Variants in TARDBP observed in about 807,000 individuals in gnomAD.
TARDBP encodes TAR DNA binding protein.
TARDBP carries 4 observed loss-of-function variants against 38.3 expected under a neutral mutation model. The observed-to-expected ratio is 0.10, with a 90% confidence interval of 0.05 to 0.24. The LOEUF is 0.24. Among genes scored for constraint, TARDBP ranks in the 10% least tolerant of loss-of-function variants. TARDBP has a pLI of 1.00. For missense variants in TARDBP, 202 were observed against 521.9 expected (o/e 0.39, Z 5.97); for synonymous variants, 184 against 183.8 (o/e 1.00, Z -0.01).
In TARDBP at chr1:11,013,692, C is replaced by T. The variant is rs757862204; in HGVS notation, c.-12-24C>T. On this transcript the variant is annotated intron_variant, in intron 1 of 5. Coordinates refer to ENST00000240185, the MANE Select transcript of TARDBP (RefSeq NM_007375.4). Reference sequence around the variant, plus strand: ...CAGTTATTCTGACATGAATGTTGTTCATTCATATCTCTTTTCTCTTTAGGA... The same window carrying T: ...CAGTTATTCTGACATGAATGTTGTTTATTCATATCTCTTTTCTCTTTAGGA... The T allele has an allele frequency of 5.9e-6, 9 of 1,533,622 alleles. 1 individual carries two copies. Among genetic ancestry groups the T allele is most frequent in the South Asian group, 3.5e-5 (3 of 86,916 alleles).
At position 11,018,893 on chromosome 1, in the gene TARDBP, G is replaced by T; in HGVS notation, c.543+20G>T. On this transcript the variant is annotated intron_variant, in intron 4 of 5. Coordinates refer to ENST00000240185, the MANE Select transcript of TARDBP (RefSeq NM_007375.4). ...TCTAAGGTACTTGCGTCTGTGCTTT[G>T]GGAATTTTTGCCAACAAACTTCCTT... 7.4e-6 allele frequency: 12 copies of T among 1,613,870 alleles called. No homozygotes were observed. Among genetic ancestry groups the T allele is most frequent in the Non-Finnish European group, 1.0e-5 (12 of 1,180,002 alleles).
Position 11,023,149 on chromosome 1 carries a change from C to T in TARDBP, c.*495C>T, listed in dbSNP as rs933092068. On this transcript the variant is annotated 3_prime_UTR_variant, in exon 6 of 6. Transcript: ENST00000240185. ...TTGTTTTTTAACACTTGTCTCCCCTCATACACAAAAGTACAATATGAAGCC... is the reference window on the plus strand; with the variant it reads ...TTGTTTTTTAACACTTGTCTCCCCTTATACACAAAAGTACAATATGAAGCC... 26 of 1,546,600 alleles carry T rather than the reference C, an allele frequency of 1.7e-5. No individual in the cohort carries two copies. The highest frequency in any genetic ancestry group is 2.3e-5 in the Non-Finnish European group (26 of 1,144,202).
At chr1:11,030,122 A>G (rs907791760), downstream of TARDBP, 14 of 1,333,446 alleles carry the variant, frequency 1.0e-5, no homozygotes, top group Non-Finnish European at 8.6e-6. Context: ...ACTGTCTCCT[A>G]CCCAGTCCTC....
chr1:11,013,682 G>GA (rs760679678), intron 1 of TARDBP, 34 bp from the exon 2 acceptor site: 94 of 1,499,614 alleles, frequency 6.3e-5, no homozygotes, highest in Middle Eastern at 1.7e-4. Flanking sequence ...ATTCTGACAT[G>GA]AATGTTGTTC....
intron 1 of TARDBP, among the ~76,000 whole-genome samples, chr1:11,013,271 C>T (rs899277631): frequency 6.6e-6 from 1 of 152,224 alleles, no homozygotes; most frequent in Non-Finnish European, 1.5e-5. Flanking sequence ...TCTTCAGGTT[C>T]AGCTGATGGA....
chr1:11,030,348 C>A, downstream of TARDBP: 1 of 822,876 alleles, frequency 1.2e-6, no homozygotes, highest in Non-Finnish European at 2.0e-6. Flanking sequence ...TCTTGAGCAT[C>A]AGTGGGACAT....
At chr1:11,029,231 A>AC (rs1643798649), downstream of TARDBP, among the ~76,000 whole-genome samples, 1 of 150,818 alleles carries the variant, frequency 6.6e-6, no homozygotes, top group African/African-American at 2.4e-5. Flanking sequence ...CGATCTCCTG[A>AC]CCTCGTGATC....
At chr1:11,019,921 A>G (rs12723594) in intron 4 of TARDBP, among the ~76,000 whole-genome samples, 18 of 140,094 alleles carry the variant, frequency 1.3e-4, no homozygotes, top group African/African-American at 4.6e-4. Context: ...CTGGAGTGCA[A>G]TGGTGCAATC....
Position 11,016,981 on chromosome 1 carries a change from A to G in TARDBP, c.376A>G (p.Thr126Ala). 6.2e-7 allele frequency: 1 copy of G among 1,614,184 alleles called. No homozygotes were observed. Among genetic ancestry groups the G allele is most frequent in the Non-Finnish European group, 8.5e-7 (1 of 1,180,034 alleles). The change falls in exon 3 of 6, where the codon ACC (threonine) becomes GCC (alanine). Residue 126 changes from threonine (T) to alanine (A), a missense_variant. Physicochemically the swap from Thr to Ala is moderately conservative, Grantham distance 58. Coordinates refer to ENST00000240185, the MANE Select transcript of TARDBP (RefSeq NM_007375.4). ...ACAGGACCTGAAAGAGTATTTTAGTACCTTTGGAGAAGTTCTTATGGTGCA... is the reference window on the plus strand; with the variant it reads ...ACAGGACCTGAAAGAGTATTTTAGTGCCTTTGGAGAAGTTCTTATGGTGCA... Reference protein sequence around the residue: ...TEQDLKEYFSTFGEVLMVQVK... With the variant: ...TEQDLKEYFSAFGEVLMVQVK...
At chr1:11,018,704 T>C (rs774032423) in intron 3 of TARDBP, 29 bp from the exon 4 acceptor site, 3 of 1,614,114 alleles carry the variant, frequency 1.9e-6, no homozygotes, top group South Asian at 2.2e-5. Flanking sequence ...ATGTGCACTT[T>C]TAGAGTAAAC....
At chr1:11,018,487 C>T in intron 3 of TARDBP, 1 of 527,312 alleles carries the variant, frequency 1.9e-6, no homozygotes, top group African/African-American at 1.9e-5. Context: ...CCGCGCCTGG[C>T]CCCATCTCTC....
downstream of TARDBP, chr1:11,029,757 G>C (rs1191867141): frequency 6.8e-6 from 1 of 147,652 alleles, no homozygotes; most frequent in Non-Finnish European, 1.4e-5. Flanking sequence ...TTCTGCCTCA[G>C]CCGCTCGAGT....
intron 3 of TARDBP, chr1:11,018,525 G>A: frequency 1.5e-6 from 1 of 661,324 alleles, no homozygotes; most frequent in Non-Finnish European, 2.5e-6. Context: ...AAACATTTCT[G>A]TTGTATAAGT....
At chr1:11,021,696 AG>A (rs1183238374) in intron 5 of TARDBP, among the ~76,000 whole-genome samples, 1 of 152,164 alleles carries the variant, frequency 6.6e-6, no homozygotes, top group Non-Finnish European at 1.5e-5. Context: ...CTCAGCCTCC[AG>A]GGGGAGGATC....
chr1:11,019,094 C>T, intron 4 of TARDBP: 1 of 607,040 alleles, frequency 1.6e-6, no homozygotes, highest in Middle Eastern at 4.5e-4. Context: ...TCATTTTGTT[C>T]TTCCTTTTCG....
downstream of TARDBP, chr1:11,030,274 A>T: frequency 6.5e-7 from 1 of 1,537,792 alleles, no homozygotes; most frequent in Non-Finnish European, 9.0e-7. Context: ...GAAAAGCAAA[A>T]ATGTTTAACT....
At chr1:11,027,679 T>C, downstream of TARDBP, 1 of 1,543,368 alleles carries the variant, frequency 6.5e-7, no homozygotes, top group Non-Finnish European at 8.7e-7. Flanking sequence ...GTAGAGAGCC[T>C]TTGTAAAAAT....
rs55825417 is a variant in TARDBP at position 11,014,051 on chromosome 1, A to G, written c.238+86A>G. 2,666 of 1,340,906 alleles carry G rather than the reference A, an allele frequency of 2.0e-3. 44 individuals are homozygous for G. The African/African-American group carries it at 0.034, about 17-fold the overall frequency. The allele number at this position is 1,340,906 out of a possible 1,614,324, so 83.1% of individuals were successfully genotyped here. A position where few individuals can be genotyped will look rare whatever the true frequency, so the allele number is the denominator to read the frequency against. ...ATGGATCTTAGCCTCTTTTGGTGGC[A>G]GAATGTCTCCTGAAACTTAAGTATT... On this transcript the variant is annotated intron_variant, in intron 2 of 5. Coordinates refer to ENST00000240185, the MANE Select transcript of TARDBP (RefSeq NM_007375.4).
At chr1:11,019,289 A>G in intron 4 of TARDBP, 1 of 312,402 alleles carries the variant, frequency 3.2e-6, no homozygotes, top group African/African-American at 2.2e-5. Flanking sequence ...TTGCTTATTT[A>G]TTAATTTTCT....
Sources: allele counts gnomAD v4.1 joint callset (sites outside exome capture counted in the v4.1 genomes callset), GRCh38; gene constraint gnomAD v4.1.1; transcripts MANE v1.5; gene names NCBI Gene and HGNC (gene_info 2026-07-23, HGNC 2026-07-21).